Variants in DOCK1 observed in about 807,000 individuals in gnomAD.
DOCK1 encodes the protein dedicator of cytokinesis 1.
Under a neutral mutation model 262.7 loss-of-function variants are expected in DOCK1, and 138 were observed. That is an observed-to-expected ratio of 0.53 (90% CI 0.46 to 0.61). The LOEUF is 0.61. Among genes scored for constraint, DOCK1 ranks in the 20% least tolerant of loss-of-function variants. DOCK1 has a pLI of 0.00. For missense variants in DOCK1, 1,908 were observed against 2,370.7 expected (o/e 0.80, Z 4.05); for synonymous variants, 866 against 867.4 (o/e 1.00, Z 0.03).
chr10:127,274,351 C>T (rs912481144), intron 29 of DOCK1, among the ~76,000 whole-genome samples: 3 of 152,152 alleles, frequency 2.0e-5, no homozygotes, highest in African/African-American at 7.2e-5. Flanking sequence ...AGCCCGCATT[C>T]ATTTAGAGAT....
intron 23 of DOCK1, among the ~76,000 whole-genome samples, chr10:127,066,210 G>A (rs1022043652): frequency 6.6e-6 from 1 of 151,936 alleles, no homozygotes; most frequent in Non-Finnish European, 1.5e-5. Context: ...CCTCCCAGGT[G>A]CCCCCGCCGC....
At chr10:127,328,472 A>G (rs2062835614) in intron 29 of DOCK1, among the ~76,000 whole-genome samples, 1 of 152,122 alleles carries the variant, frequency 6.6e-6, no homozygotes, top group South Asian at 2.1e-4. Context: ...GCACAGATGG[A>G]CCCTCACTGT....
At chr10:127,218,172 C>T (rs1296453281) in intron 27 of DOCK1, among the ~76,000 whole-genome samples, 1 of 152,188 alleles carries the variant, frequency 6.6e-6, no homozygotes, top group East Asian at 1.9e-4. Context: ...TATTTGAATA[C>T]AGATATTTAT....
intron 38 of DOCK1, among the ~76,000 whole-genome samples, chr10:127,392,755 C>T (rs927278878): frequency 2.0e-5 from 3 of 152,162 alleles, no homozygotes; most frequent in Non-Finnish European, 4.4e-5. Context: ...CCACCCCCAG[C>T]GCCGGGTCGG....
chr10:127,186,059 G>C (rs974180841), intron 27 of DOCK1, among the ~76,000 whole-genome samples: 22 of 152,274 alleles, frequency 1.4e-4, no homozygotes, highest in Admixed American at 1.3e-3. Flanking sequence ...TTTAGAGCAT[G>C]GCACCTTTCC....
intron 1 of DOCK1, among the ~76,000 whole-genome samples, chr10:126,926,062 G>A (rs2033691853): frequency 6.6e-6 from 1 of 151,962 alleles, no homozygotes; most frequent in African/African-American, 2.4e-5. Flanking sequence ...CTGTAGGGTG[G>A]GGATAAATAG....
chr10:127,261,210 C>T (rs1174779059), intron 29 of DOCK1, among the ~76,000 whole-genome samples: 2 of 92,566 alleles, frequency 2.2e-5, no homozygotes, highest in Non-Finnish European at 4.2e-5. Flanking sequence ...TGTGTACCTG[C>T]ATGTGTGTGC....
rs747189339 is a variant in DOCK1 at position 127,419,762 on chromosome 10, G to A, written c.4776+13G>A. On this transcript the variant is annotated intron_variant, in intron 46 of 51. Coordinates refer to ENST00000623213, the MANE Select transcript of DOCK1 (RefSeq NM_001290223.2). ...GATTGCTTGGCAGGTAAAGTGTCCAGCAAGAGTCCTGCATGGCTGGAGGGA... is the reference window on the plus strand; with the variant it reads ...GATTGCTTGGCAGGTAAAGTGTCCAACAAGAGTCCTGCATGGCTGGAGGGA... The A allele has an allele frequency of 6.3e-7, 1 of 1,581,080 alleles. No individual in the cohort carries two copies. Among genetic ancestry groups the A allele is most frequent in the Admixed American group, 1.8e-5 (1 of 55,572 alleles).
chr10:127,256,396 A>C (rs1407968934), intron 28 of DOCK1, among the ~76,000 whole-genome samples: 4 of 152,204 alleles, frequency 2.6e-5, no homozygotes, highest in African/African-American at 9.6e-5. Flanking sequence ...AGATTAAATA[A>C]ATGAGAAATA....
At chr10:127,257,547 T>G in intron 29 of DOCK1, 118 bp downstream of exon 29, 1 of 886,112 alleles carries the variant, frequency 1.1e-6, no homozygotes, top group South Asian at 1.6e-5. Flanking sequence ...CAAACGCTGT[T>G]CCTAATTCTG....
At chr10:127,430,714 G>T (rs922423398) in intron 47 of DOCK1, among the ~76,000 whole-genome samples, 14 of 151,188 alleles carry the variant, frequency 9.3e-5, no homozygotes, top group African/African-American at 3.4e-4. Context: ...GGACATTCCA[G>T]ATCACGATGA....
In DOCK1 at chr10:127,206,805, G is replaced by A. The variant is rs74723696; in HGVS notation, c.2848-41203G>A. 3.4e-3 allele frequency among the ~76,000 whole-genome samples: 523 copies of A among 152,244 alleles called. 8 individuals carry two copies. In the East Asian group the frequency reaches 0.052, roughly 15 times the overall value. On this transcript the variant is annotated intron_variant, in intron 27 of 51. Coordinates refer to ENST00000623213, the MANE Select transcript of DOCK1 (RefSeq NM_001290223.2). ...ATGAAAAATCAAGAGCTGGTCTTAC[G>A]GAATAGTGCAGGATTCCTTCCCTGC...
At chr10:127,097,154 A>T (rs188822292) in intron 23 of DOCK1, among the ~76,000 whole-genome samples, 6 of 152,304 alleles carry the variant, frequency 3.9e-5, no homozygotes, top group Admixed American at 3.9e-4. Flanking sequence ...GAAGTATTTC[A>T]GCAATTAGAA....
chr10:126,954,799 G>A (rs1476840169), intron 1 of DOCK1, among the ~76,000 whole-genome samples: 1 of 152,156 alleles, frequency 6.6e-6, no homozygotes, highest in East Asian at 1.9e-4. Context: ...TTCATTATAT[G>A]TACATACCAC....
intron 22 of DOCK1, among the ~76,000 whole-genome samples, chr10:127,056,521 T>C (rs1460000262): frequency 6.6e-6 from 1 of 152,076 alleles, no homozygotes; most frequent in Admixed American, 6.5e-5. Flanking sequence ...GATACTCATG[T>C]TCCTTCTCTC....
At chr10:127,080,302 G>A (rs2046826337) in intron 23 of DOCK1, among the ~76,000 whole-genome samples, 1 of 152,038 alleles carries the variant, frequency 6.6e-6, no homozygotes, top group Admixed American at 6.6e-5. Flanking sequence ...CCAATATCAT[G>A]CTAAGCTGGG....
At chr10:127,390,393 C>A (rs2066405261) in intron 38 of DOCK1, among the ~76,000 whole-genome samples, 2 of 152,180 alleles carry the variant, frequency 1.3e-5, no homozygotes, top group Admixed American at 6.5e-5. Flanking sequence ...TGCATCCCCC[C>A]AAAATTCCTA....
At position 126,944,466 on chromosome 10, in the gene DOCK1, C is replaced by T. The variant is rs937678151; in HGVS notation, c.47-26236C>T. Among the ~76,000 whole-genome samples, 77 of 151,942 alleles carry T rather than the reference C, an allele frequency of 5.1e-4. No individual in the cohort carries two copies. In the South Asian group the frequency reaches 0.01, roughly 21 times the overall value. Reference sequence around the variant, plus strand: ...CAGTTTACGCAGTTGGGAGTCAGCACGAAGATGCGTATGGAAGCCTCCAGA... The same window carrying T: ...CAGTTTACGCAGTTGGGAGTCAGCATGAAGATGCGTATGGAAGCCTCCAGA... On this transcript the variant is annotated intron_variant, in intron 1 of 51. Transcript: ENST00000623213.
intron 1 of DOCK1, among the ~76,000 whole-genome samples, chr10:126,940,035 A>G (rs964207613): frequency 2.0e-5 from 3 of 152,168 alleles, no homozygotes; most frequent in Non-Finnish European, 4.4e-5. Flanking sequence ...AGGAGAAGCA[A>G]GAAGGAGAAG....
Sources: allele counts gnomAD v4.1 joint callset (sites outside exome capture counted in the v4.1 genomes callset), GRCh38; gene constraint gnomAD v4.1.1; transcripts MANE v1.5; gene names NCBI Gene and HGNC (gene_info 2026-07-23, HGNC 2026-07-21).